EXT2: variants seen among roughly 807,000 people sequenced by gnomAD.
EXT2 encodes the protein exostosin glycosyltransferase 2.
In EXT2, 53 loss-of-function variants were observed where a neutral mutation model predicts 81.6. The observed-to-expected ratio is 0.65, with a 90% confidence interval of 0.52 to 0.82. The LOEUF is 0.82. Among genes scored for constraint, EXT2 ranks in the 40% least tolerant of loss-of-function variants. EXT2 has a pLI of 0.00. For missense variants in EXT2, 774 were observed against 910.2 expected, an observed-to-expected ratio of 0.85 and a Z score of 1.93; for synonymous variants, 320 against 340.0, an observed-to-expected ratio of 0.94 and a Z score of 0.65.
chr11:44,227,247 G>GC (rs1321473583), intron 10 of EXT2, among the ~76,000 whole-genome samples: 9 of 152,196 alleles, frequency 5.9e-5, no homozygotes, highest in Admixed American at 2.0e-4. Flanking sequence ...AGAAGGTAGT[G>GC]CATTAACTTC....
intron 1 of EXT2, among the ~76,000 whole-genome samples, chr11:44,105,419 G>A (rs963192899): frequency 5.9e-5 from 9 of 152,146 alleles, no homozygotes; most frequent in Non-Finnish European, 8.8e-5. Context: ...AGCCTCCCAA[G>A]TAGCTGGGAT....
In EXT2 at chr11:44,173,729, C is replaced by T. The variant is rs148141549; in HGVS notation, c.1305+1987C>T. Among the ~76,000 whole-genome samples the T allele has an allele frequency of 4.6e-3, 696 of 151,814 alleles. 9 individuals carry two copies. Among genetic ancestry groups the T allele is most frequent in the African/African-American group, 0.016 (670 of 41,398 alleles). Reference sequence around the variant, plus strand: ...GACTACAGGCGCCCGCCACCACGTCCGGCTAATTTTTTGTGTTTTTAGTGG... The same window carrying T: ...GACTACAGGCGCCCGCCACCACGTCTGGCTAATTTTTTGTGTTTTTAGTGG... On this transcript the variant is annotated intron_variant, in intron 8 of 13. Transcript: ENST00000533608.
intron 2 of EXT2, among the ~76,000 whole-genome samples, chr11:44,108,503 A>G (rs1163822045): frequency 6.6e-6 from 1 of 152,160 alleles, no homozygotes; most frequent in African/African-American, 2.4e-5. Context: ...TAGAGTTTCC[A>G]AACTAAGCGT....
chr11:44,185,408 G>A (rs1955297110), intron 8 of EXT2, among the ~76,000 whole-genome samples: 1 of 152,066 alleles, frequency 6.6e-6, no homozygotes, highest in African/African-American at 2.4e-5. Context: ...ATGTTTTATA[G>A]CAAGAGGATT....
intron 13 of EXT2, among the ~76,000 whole-genome samples, chr11:44,239,689 CTTTTTTTTTTTT>C (rs397849292): frequency 5.9e-4 from 50 of 85,328 alleles, no homozygotes; most frequent in Non-Finnish European, 7.0e-4. Flanking sequence ...CCCTGCCTGG[CTTTTTTTTTTTT>C]TTTTTTTTTT....
intron 10 of EXT2, among the ~76,000 whole-genome samples, chr11:44,213,704 G>A (rs534822451): frequency 2.0e-5 from 3 of 152,262 alleles, no homozygotes; most frequent in East Asian, 1.9e-4. Flanking sequence ...ATAGATTGGC[G>A]AAAAATGAAC....
intron 12 of EXT2, among the ~76,000 whole-genome samples, chr11:44,235,151 C>A (rs1381920892): frequency 2.6e-5 from 4 of 151,118 alleles, no homozygotes; most frequent in Admixed American, 2.6e-4. Context: ...CAGTGAACAG[C>A]TGACCACAAA....
At chr11:44,218,077 T>C (rs1955740311) in intron 10 of EXT2, among the ~76,000 whole-genome samples, 1 of 152,198 alleles carries the variant, frequency 6.6e-6, no homozygotes, top group Non-Finnish European at 1.5e-5. Context: ...CTGGGCATCT[T>C]GTAGGTGGTA....
At chr11:44,155,276 C>T (rs923874467) in intron 7 of EXT2, among the ~76,000 whole-genome samples, 11 of 151,990 alleles carry the variant, frequency 7.2e-5, no homozygotes, top group Admixed American at 4.6e-4. Context: ...GATTTTTGTA[C>T]ATGGTGAGAG....
chr11:44,203,293 G>C (rs1170065622), intron 9 of EXT2, among the ~76,000 whole-genome samples: 3 of 152,068 alleles, frequency 2.0e-5, no homozygotes, highest in Admixed American at 1.3e-4. Context: ...CCTACTACAG[G>C]GTAAAGAGAA....
At chr11:44,187,803 A>G (rs1445271475) in intron 8 of EXT2, among the ~76,000 whole-genome samples, 1 of 152,222 alleles carries the variant, frequency 6.6e-6, no homozygotes. Flanking sequence ...AGACATATTT[A>G]TATTCAAGGC....
At chr11:44,168,494 G>A (rs1020979305) in intron 7 of EXT2, among the ~76,000 whole-genome samples, 1 of 152,126 alleles carries the variant, frequency 6.6e-6, no homozygotes, top group Non-Finnish European at 1.5e-5. Context: ...TTGAAGAAGC[G>A]CTACAATCCT....
chr11:44,096,883 T>C (rs1349526616), intron 1 of EXT2, among the ~76,000 whole-genome samples: 1 of 152,250 alleles, frequency 6.6e-6, no homozygotes, highest in Non-Finnish European at 1.5e-5. Flanking sequence ...AAGTGCTCTA[T>C]GTACTTTAAC....
chr11:44,244,020 G>T, intron 13 of EXT2, 129 bp from the exon 14 acceptor site: 4 of 874,324 alleles, frequency 4.6e-6, no homozygotes, highest in Admixed American at 3.7e-5. Flanking sequence ...AGCTTTTTTT[G>T]TTGATGTTGA....
intron 10 of EXT2, among the ~76,000 whole-genome samples, chr11:44,224,255 G>C (rs2135243264): frequency 6.6e-6 from 1 of 152,166 alleles, no homozygotes. Context: ...CCCTAAACTT[G>C]TATGACTTTA....
At chr11:44,099,702 C>T (rs1953955409) in intron 1 of EXT2, among the ~76,000 whole-genome samples, 1 of 152,126 alleles carries the variant, frequency 6.6e-6, no homozygotes, top group Non-Finnish European at 1.5e-5. Context: ...AAAATCACAA[C>T]CAGTAGAGGA....
chr11:44,218,257 G>A (rs1955741917), intron 10 of EXT2, among the ~76,000 whole-genome samples: 1 of 152,200 alleles, frequency 6.6e-6, no homozygotes, highest in African/African-American at 2.4e-5. Context: ...CCATCTTTGA[G>A]TGGGGTTTCC....
At chr11:44,104,255 G>A (rs1954024012) in intron 1 of EXT2, among the ~76,000 whole-genome samples, 2 of 152,018 alleles carry the variant, frequency 1.3e-5, no homozygotes, top group African/African-American at 2.4e-5. Flanking sequence ...GAAAAATGGA[G>A]GGTTCATTGC....
In EXT2 at chr11:44,248,426, C is replaced by G. The variant is rs1194423270; in HGVS notation, c.*4139C>G. Among the ~76,000 whole-genome samples the G allele has an allele frequency of 2.0e-5, 3 of 152,190 alleles. No homozygotes were observed. Among genetic ancestry groups the G allele is most frequent in the Admixed American group, 2.0e-4 (3 of 15,276 alleles). On this transcript the variant is annotated 3_prime_UTR_variant, in exon 14 of 14. Coordinates refer to ENST00000533608, the MANE Select transcript of EXT2 (RefSeq NM_207122.2). Reference sequence around the variant, plus strand: ...GGGGCCTGCCCCTACTCACCTCACCCCTGAGCTCTGTCCAAGCCCTGGACC... The same window carrying G: ...GGGGCCTGCCCCTACTCACCTCACCGCTGAGCTCTGTCCAAGCCCTGGACC...
Sources: gnomAD v4.1 joint callset for allele counts (sites outside exome capture counted in the v4.1 genomes callset) on GRCh38, gnomAD v4.1.1 for gene constraint, MANE v1.5 for transcripts, NCBI Gene and HGNC (gene_info 2026-07-23, HGNC 2026-07-21) for gene names.